SNX3: variants seen among roughly 807,000 people sequenced by gnomAD.
SNX3 encodes the protein sorting nexin 3.
Under a neutral mutation model 17.7 loss-of-function variants are expected in SNX3, and 5 were observed. That is an observed-to-expected ratio of 0.28 (90% CI 0.15 to 0.59). SNX3 has a LOEUF of 0.59. Among genes scored for constraint, SNX3 ranks in the 20% least tolerant of loss-of-function variants. The probability of loss-of-function intolerance (pLI) is 0.88; values close to 1 mark genes in which losing one functional copy is unlikely to be tolerated. For synonymous variants in SNX3, 91 were observed against 76.5 expected (o/e 1.19, Z -0.99); for missense variants, 132 against 206.8 (o/e 0.64, Z 2.22).
At chr6:108,236,349 A>G (rs867508486) in intron 1 of SNX3, among the ~76,000 whole-genome samples, 1 of 149,136 alleles carries the variant, frequency 6.7e-6, no homozygotes, top group Non-Finnish European at 1.5e-5. Context: ...TATATATATA[A>G]AACAGTTTCC....
rs1776071301 is a variant in SNX3, at chr6:108,257,721, T to G, written c.162+3039A>C. On this transcript the variant is annotated intron_variant, in intron 1 of 3. Transcript: ENST00000230085. ...TGGCTCACGCCTGTAATCTCAGCAC[T>G]TTGGGAGGCCAAGGTAGGCAGATCA... 5.3e-5 allele frequency among the ~76,000 whole-genome samples: 8 copies of G among 152,296 alleles called. No homozygotes were observed. The South Asian group carries it at 1.7e-3, about 32-fold the overall frequency.
chr6:108,247,931 CTATT>C (rs1775741953), intron 1 of SNX3, among the ~76,000 whole-genome samples: 1 of 151,734 alleles, frequency 6.6e-6, no homozygotes, highest in African/African-American at 2.4e-5. Flanking sequence ...GACCCTGTCA[CTATT>C]TATTAAAAAA....
At chr6:108,257,993 A>G (rs1303897570) in intron 1 of SNX3, among the ~76,000 whole-genome samples, 5 of 152,108 alleles carry the variant, frequency 3.3e-5, no homozygotes, top group Admixed American at 3.3e-4. Flanking sequence ...TAAAAAAAGA[A>G]AGAAATCCAA....
At chr6:108,245,247 G>A (rs1008386306) in intron 1 of SNX3, among the ~76,000 whole-genome samples, 1 of 152,102 alleles carries the variant, frequency 6.6e-6, no homozygotes, top group South Asian at 2.1e-4. Flanking sequence ...TGCTGAGGAT[G>A]ATAGTTTCCA....
At chr6:108,259,689 ATAC>A (rs1298508672) in intron 1 of SNX3, among the ~76,000 whole-genome samples, 1 of 152,262 alleles carries the variant, frequency 6.6e-6, no homozygotes, top group African/African-American at 2.4e-5. Flanking sequence ...CAATGTGAAT[ATAC>A]TACTGAGCTG....
chr6:108,220,281 C>G lies in SNX3; in HGVS notation c.258+2669G>C, dbSNP rs146851002. ...TTCACTCGCCACATACTAACTGACT[C>G]ACCCAGAACAACTTTCAATCCTGCA... is the stretch of plus-strand genomic sequence containing the variant. On this transcript the variant is annotated intron_variant, in intron 2 of 3. Transcript: ENST00000230085. Among the ~76,000 whole-genome samples the G allele has an allele frequency of 7.7e-3, 1,170 of 152,154 alleles. 16 individuals are homozygous for G. The highest frequency in any genetic ancestry group is 0.027 in the African/African-American group (1,115 of 41,500).
chr6:108,229,247 G>A (rs934691632), intron 1 of SNX3, among the ~76,000 whole-genome samples: 7 of 132,736 alleles, frequency 5.3e-5, no homozygotes, highest in African/African-American at 1.8e-4. Flanking sequence ...GCGACAGAGC[G>A]AGACTCCACC....
intron 1 of SNX3, among the ~76,000 whole-genome samples, chr6:108,245,507 T>C (rs1775660597): frequency 6.6e-6 from 1 of 152,220 alleles, no homozygotes; most frequent in Admixed American, 6.5e-5. Context: ...TATTTCTGGT[T>C]TTAGATCCTT....
intron 1 of SNX3, among the ~76,000 whole-genome samples, chr6:108,236,696 T>C (rs1284697016): frequency 6.6e-6 from 1 of 152,012 alleles, no homozygotes; most frequent in Non-Finnish European, 1.5e-5. Flanking sequence ...CTTCCACCTA[T>C]ATTATAAAAG....
intron 1 of SNX3, among the ~76,000 whole-genome samples, chr6:108,253,914 A>G (rs762337609): frequency 1.3e-5 from 2 of 152,112 alleles, no homozygotes; most frequent in Non-Finnish European, 2.9e-5. Flanking sequence ...TCACGAGGTC[A>G]GGAGATGGAG....
chr6:108,215,561 A>C (rs1334733727), intron 2 of SNX3, among the ~76,000 whole-genome samples: 7 of 152,100 alleles, frequency 4.6e-5, no homozygotes, highest in Admixed American at 2.0e-4. Flanking sequence ...CTCGCACTAT[A>C]GGAAGATCCC....
Position 108,212,223 on chromosome 6 carries a change from G to C in SNX3, c.415C>G (p.Arg139Gly). 6.2e-7 allele frequency: 1 copy of C among 1,611,020 alleles called. No homozygotes were observed. The highest frequency in any genetic ancestry group is 8.5e-7 in the Non-Finnish European group (1 of 1,178,662). ...VAGHPLAQNERCLHMFLQDEI... is the reference protein window; with the variant it reads ...VAGHPLAQNEGCLHMFLQDEI... ...TCTTGTAAAAACATGTGAAGACAAC[G>C]TTCGTTCTGTGCCAGAGGATGACCA... is the stretch of plus-strand genomic sequence containing the variant. Residue 139 changes from arginine (R) to glycine (G), a missense_variant, in exon 4 of 4, where the codon CGT becomes GGT. By Grantham distance (125) the Arg-to-Gly change is moderately radical. This residue lies in a region of SNX3 where 54 missense variants were observed against 118.0 expected (regional missense o/e 0.46). Coordinates refer to ENST00000230085, the MANE Select transcript of SNX3 (RefSeq NM_003795.6).
intron 2 of SNX3, chr6:108,222,295 G>T (rs1200498782): frequency 2.3e-6 from 3 of 1,303,966 alleles, no homozygotes; most frequent in Non-Finnish European, 3.0e-6. Context: ...ATGACTCCTT[G>T]CCTCTGATGT....
intron 2 of SNX3, among the ~76,000 whole-genome samples, chr6:108,219,229 C>T (rs1480936397): frequency 6.6e-6 from 1 of 151,974 alleles, no homozygotes; most frequent in East Asian, 1.9e-4. Context: ...CAAAAAAAAG[C>T]AAAATATACA....
intron 1 of SNX3, among the ~76,000 whole-genome samples, chr6:108,240,025 G>T (rs1463812384): frequency 6.6e-6 from 1 of 152,206 alleles, no homozygotes; most frequent in East Asian, 1.9e-4. Context: ...AGGTAAAGGG[G>T]GAACTGCTGG....
intron 2 of SNX3, among the ~76,000 whole-genome samples, chr6:108,221,632 G>A (rs1006770230): frequency 6.8e-5 from 9 of 132,992 alleles, no homozygotes; most frequent in African/African-American, 2.0e-4. Context: ...TGCAACCTCT[G>A]CCTCCTGGAC....
At chr6:108,244,647 G>GT (rs1021781550) in intron 1 of SNX3, among the ~76,000 whole-genome samples, 14,316 of 87,118 alleles carry the variant, frequency 0.16, 1,660 homozygotes, top group South Asian at 0.26. Flanking sequence ...TAAGTAAGGA[G>GT]TTTTTTTTTT....
At chr6:108,252,087 C>CAAAAAA (rs777979859) in intron 1 of SNX3, 68 of 129,130 alleles carry the variant, frequency 5.3e-4, no homozygotes, top group African/African-American at 1.9e-3. Context: ...ATAAATAAAA[C>CAAAAAA]AAACAAACAA....
At chr6:108,243,481 G>T (rs1003718505) in intron 1 of SNX3, among the ~76,000 whole-genome samples, 1 of 152,188 alleles carries the variant, frequency 6.6e-6, no homozygotes, top group African/African-American at 2.4e-5. Context: ...TAAGCATGAT[G>T]ATTGGGTTTT....
Sources: allele counts gnomAD v4.1 joint callset (sites outside exome capture counted in the v4.1 genomes callset), GRCh38; gene constraint gnomAD v4.1.1; regional missense constraint gnomAD v4.1.1; transcripts MANE v1.5; gene names NCBI Gene and HGNC (gene_info 2026-07-23, HGNC 2026-07-21).